CHFR: variants seen among roughly 807,000 people sequenced by gnomAD.
CHFR encodes checkpoint with forkhead and ring finger domains.
CHFR carries 57 observed loss-of-function variants against 87.6 expected under a neutral mutation model. The ratio of observed to expected loss-of-function variants is 0.65; its 90% CI spans 0.53 to 0.81. The LOEUF (loss-of-function observed/expected upper bound fraction) is 0.81. CHFR is among the 30% of genes least tolerant of loss of function. CHFR has a pLI of 0.00. For missense variants in CHFR, 797 were observed against 865.8 expected (o/e 0.92, Z 1.00); for synonymous variants, 381 against 359.2 (o/e 1.06, Z -0.69).
rs1950669723 is a variant in CHFR, at chr12:132,839,039, A to G, written c.*2515T>C. 1 of 152,312 alleles carries G rather than the reference A, an allele frequency of 6.6e-6. No individual in the cohort carries two copies. Among genetic ancestry groups the G allele is most frequent in the Non-Finnish European group, 1.5e-5 (1 of 68,114 alleles). 9.4% of individuals were successfully genotyped at this position (152,312 alleles called of 1,614,324 possible). ...GTTGGACTTCTCTGAAGGACTAAGG[A>G]AGCAGGAGTGAGTCCCTAGGACACC... On this transcript the variant is annotated 3_prime_UTR_variant, in exon 18 of 18. Coordinates refer to ENST00000450056, the MANE Select transcript of CHFR (RefSeq NM_001161346.2).
At chr12:132,848,358 G>A (rs756712256) in intron 13 of CHFR, 6 of 984,588 alleles carry the variant, frequency 6.1e-6, no homozygotes, top group Non-Finnish European at 7.7e-6. Context: ...TCAGCTCTCC[G>A]AGTCTCCCCA....
chr12:132,869,763 G>C lies in CHFR; in HGVS notation c.439C>G (p.Pro147Ala). Reference protein sequence around the residue: ...SGAGAGRGADPRVPPSSPATQ... With the variant: ...SGAGAGRGADARVPPSSPATQ... The stretch of plus-strand genomic sequence containing the variant: ...GCGGGCGACGACGGAGGGACCCGGG[G>C]ATCGGCCCCTCGCCCTGCACCTGCA... Residue 147 changes from proline to alanine, a missense_variant, in exon 6 of 18, where the codon CCC (proline) becomes GCC (alanine). By Grantham distance (27) the Pro-to-Ala change is conservative. This residue lies in a region of CHFR where 597 missense variants were observed against 601.2 expected (regional missense o/e 0.99). Transcript: ENST00000450056. The C allele has an allele frequency of 6.4e-7, 1 of 1,551,416 alleles. No individual in the cohort carries two copies. Among genetic ancestry groups the C allele is most frequent in the Non-Finnish European group, 8.7e-7 (1 of 1,146,980 alleles).
intron 14 of CHFR, chr12:132,847,445 C>A: frequency 8.9e-7 from 1 of 1,128,256 alleles, no homozygotes; most frequent in Non-Finnish European, 1.1e-6. Flanking sequence ...AGCCCAGCAA[C>A]GAGCCCAGGC....
chr12:132,860,163 T>C (rs1230240120), intron 7 of CHFR, among the ~76,000 whole-genome samples: 1 of 152,200 alleles, frequency 6.6e-6, no homozygotes, highest in Admixed American at 6.5e-5. Flanking sequence ...CTTTGAGCTG[T>C]TTCTTCTGGT....
Position 132,836,732 on chromosome 12 carries a change from A to G in CHFR, c.*4822T>C. 2.2e-6 allele frequency: 1 copy of G among 456,096 alleles called. No homozygotes were observed. Among genetic ancestry groups the G allele is most frequent in the Non-Finnish European group, 4.4e-6 (1 of 226,802 alleles). The allele number at this position is 456,096 out of a possible 1,614,324, so 28.3% of individuals were successfully genotyped here. ...CGCCTCAGAAGGAGACAACCGTGAA[A>G]AGTGAGCGACAGAGGAAGGGGCGCC... On this transcript the variant is annotated 3_prime_UTR_variant, in exon 18 of 18. Coordinates refer to ENST00000450056, the MANE Select transcript of CHFR (RefSeq NM_001161346.2).
In CHFR at chr12:132,875,670, C is replaced by T. The variant is rs7963336; in HGVS notation, c.233+1885G>A. Among the ~76,000 whole-genome samples, 177 of 152,288 alleles carry T rather than the reference C, an allele frequency of 1.2e-3. No individual in the cohort carries two copies. In the East Asian group the frequency reaches 0.015, roughly 13 times the overall value. ...AGGCACATTCTGAGTAACACTGACACAGACTTCCCTTCCGAGAAATCATCC... is the reference window on the plus strand; with the variant it reads ...AGGCACATTCTGAGTAACACTGACATAGACTTCCCTTCCGAGAAATCATCC... On this transcript the variant is annotated intron_variant, in intron 3 of 17. Transcript: ENST00000450056.
Position 132,853,422 on chromosome 12 carries a change from GC to G in CHFR, c.1372+8del, listed in dbSNP as rs1425495264. ...GCGAAGGCTGAGGCCTGAGGGCGGC[GC>G]GGCTCACCTGTCGTCAGGCTGACGG... is the stretch of plus-strand genomic sequence containing the variant. On this transcript the variant is annotated splice_region_variant and intron_variant, in intron 11 of 17. Coordinates refer to ENST00000450056, the MANE Select transcript of CHFR (RefSeq NM_001161346.2). 1.1e-5 allele frequency: 16 copies of G among 1,515,614 alleles called. No individual in the cohort carries two copies. In the African/African-American group the frequency reaches 2.3e-4, roughly 22 times the overall value. The allele number at this position is 1,515,614 out of a possible 1,614,324, so 93.9% of individuals were successfully genotyped here. A position where few individuals can be genotyped will look rare whatever the true frequency, so the allele number is the denominator to read the frequency against.
intron 6 of CHFR, among the ~76,000 whole-genome samples, chr12:132,864,854 A>G (rs908974905): frequency 1.3e-5 from 2 of 152,234 alleles, no homozygotes; most frequent in African/African-American, 4.8e-5. Flanking sequence ...GTAGAACATT[A>G]TCAAAAAATT....
At chr12:132,883,598 G>A (rs902444991) in intron 2 of CHFR, among the ~76,000 whole-genome samples, 1 of 152,006 alleles carries the variant, frequency 6.6e-6, no homozygotes, top group Non-Finnish European at 1.5e-5. Flanking sequence ...ATGGTGGCGG[G>A]TGCCTGTAGT....
chr12:132,858,644 T>C (rs1951137836), intron 8 of CHFR, among the ~76,000 whole-genome samples: 2 of 137,292 alleles, frequency 1.5e-5, no homozygotes, highest in African/African-American at 5.6e-5. Flanking sequence ...AGGAGAATCG[T>C]CTGAACCCGG....
Position 132,857,579 on chromosome 12 carries a change from A to C in CHFR, c.912-20T>G, listed in dbSNP as rs535891608. 2.4e-5 allele frequency: 39 copies of C among 1,612,122 alleles called. No homozygotes were observed. The African/African-American group carries it at 4.9e-4, about 20-fold the overall frequency. ...TGCAAACTGAAAGTGCAAGAGGAAC[A>C]GTGTCCAGACAGTCCCACAGATGCA... is the stretch of plus-strand genomic sequence containing the variant. On this transcript the variant is annotated intron_variant, in intron 8 of 17. Coordinates refer to ENST00000450056, the MANE Select transcript of CHFR (RefSeq NM_001161346.2).
chr12:132,886,299 G>C (rs1951892225), intron 2 of CHFR, among the ~76,000 whole-genome samples: 1 of 149,744 alleles, frequency 6.7e-6, no homozygotes, highest in Non-Finnish European at 1.5e-5. Context: ...CACAGAGCAA[G>C]ACTCTTATCT....
At position 132,833,063 on chromosome 12, in the gene CHFR, C is replaced by T. The variant is rs1566166726; in HGVS notation, c.*8491G>A. On this transcript the variant is annotated 3_prime_UTR_variant, in exon 18 of 18. Coordinates refer to ENST00000450056, the MANE Select transcript of CHFR (RefSeq NM_001161346.2). The stretch of plus-strand genomic sequence containing the variant: ...GTTTAAGGTCCATCCACACTCAGCA[C>T]GTTTCCTCGCTGCACGATACTCCAG... 1 of 152,212 alleles carries T rather than the reference C, an allele frequency of 6.6e-6. No individual in the cohort carries two copies. Among genetic ancestry groups the T allele is most frequent in the South Asian group, 2.1e-4 (1 of 4,832 alleles). 9.4% of individuals were successfully genotyped at this position (152,212 alleles called of 1,614,324 possible).
At chr12:132,844,287 C>A (rs1243746094) in intron 15 of CHFR, among the ~76,000 whole-genome samples, 153 bp from the exon 16 acceptor site, 2 of 152,172 alleles carry the variant, frequency 1.3e-5, no homozygotes, top group Admixed American at 1.3e-4. Flanking sequence ...AATCTAGATA[C>A]GAATTTATTT....
chr12:132,845,649 CAT>C (rs776981925), intron 15 of CHFR, among the ~76,000 whole-genome samples: 7 of 151,968 alleles, frequency 4.6e-5, no homozygotes, highest in African/African-American at 1.7e-4. Flanking sequence ...GAACCTGTCT[CAT>C]ATATATATTT....
At chr12:132,849,102 A>G in intron 12 of CHFR, 1 of 173,498 alleles carries the variant, frequency 5.8e-6, no homozygotes, top group Non-Finnish European at 1.2e-5. Context: ...GCACACCACC[A>G]GGCCCGGCTA....
At position 132,845,467 on chromosome 12, in the gene CHFR, A is replaced by T. The variant is rs567381796; in HGVS notation, c.1736-1333T>A. ...AGCAAGATTCCATCTCAAAAAAAAAAATAAATAAATAAATAAAAATAAAAA... is the reference window on the plus strand; with the variant it reads ...AGCAAGATTCCATCTCAAAAAAAAATATAAATAAATAAATAAAAATAAAAA... On this transcript the variant is annotated intron_variant, in intron 15 of 17. Transcript: ENST00000450056. 8.9e-3 allele frequency among the ~76,000 whole-genome samples: 1,336 copies of T among 150,852 alleles called. 29 individuals are homozygous for T. Among genetic ancestry groups the T allele is most frequent in the African/African-American group, 0.029 (1,180 of 41,226 alleles).
chr12:132,861,484 T>C lies in CHFR; in HGVS notation c.734A>G (p.Lys245Arg), dbSNP rs1463671908. Residue 245 changes from lysine (K) to arginine (R), a missense_variant, in exon 7 of 18, where the codon AAG becomes AGG. This residue lies in a region of CHFR where 597 missense variants were observed against 601.2 expected (regional missense o/e 0.99). Coordinates refer to ENST00000450056, the MANE Select transcript of CHFR (RefSeq NM_001161346.2). ...ACACTAACCTCCTCTCATTTTCTTC[T>C]TCACGGGCTCCAAATCCTCCTGATC... is the stretch of plus-strand genomic sequence containing the variant. ...PQDQEDLEPV[K>R]KKMRGDGDLD... 1 of 1,614,070 alleles carries C rather than the reference T, an allele frequency of 6.2e-7. No individual in the cohort carries two copies. The highest frequency in any genetic ancestry group is 8.5e-7 in the Non-Finnish European group (1 of 1,180,016).
intron 7 of CHFR, among the ~76,000 whole-genome samples, chr12:132,861,104 G>A (rs148446051): frequency 1.3e-5 from 2 of 152,060 alleles, no homozygotes; most frequent in Non-Finnish European, 2.9e-5. Context: ...GGCTGGTCTC[G>A]AACGCCTGAC....
Sources: allele counts gnomAD v4.1 joint callset (sites outside exome capture counted in the v4.1 genomes callset), GRCh38; gene constraint gnomAD v4.1.1; regional missense constraint gnomAD v4.1.1; transcripts MANE v1.5; gene names NCBI Gene and HGNC (gene_info 2026-07-23, HGNC 2026-07-21).